The following SNTG2 variants were observed in gnomAD, a reference collection of about 807,000 sequenced individuals.
The protein encoded by SNTG2 is gamma-2-syntrophin.
In SNTG2, 74 loss-of-function variants were observed where a neutral mutation model predicts 70.9. The observed-to-expected ratio is 1.04, with a 90% CI of 0.86 to 1.27. The LOEUF (loss-of-function observed/expected upper bound fraction) is 1.27. Ranked by LOEUF, SNTG2 falls within the 50% of genes most tolerant of loss-of-function variation. The probability of loss-of-function intolerance (pLI) is 0.00; values close to 1 mark genes in which losing one functional copy is unlikely to be tolerated. For missense variants in SNTG2, 717 were observed against 690.7 expected (o/e 1.04, Z -0.43); for synonymous variants, 278 against 273.8 (o/e 1.02, Z -0.15).
Position 1,222,105 on chromosome 2 carries a change from GTCTCTCTCTGTCTC to G in SNTG2, c.719+12881_719+12894del, listed in dbSNP as rs1204695462. On this transcript the variant is annotated intron_variant, in intron 9 of 16. Transcript: ENST00000308624. ...TCTCTGTCTCTCTCTGTCTCTCTCT[GTCTCTCTCTGTCTC>G]TCTCTGTCTCTCTCTGTCTCTCTCT... Among the ~76,000 whole-genome samples the G allele has an allele frequency of 1.2e-3, 32 of 27,594 alleles. 1 individual carries two copies. Among genetic ancestry groups the G allele is most frequent in the Admixed American group, 1.3e-3 (4 of 3,000 alleles). The allele number at this position is 27,594 out of a possible 152,430, so 18.1% of individuals were successfully genotyped here.
At chr2:1,056,846 G>A (rs1220281109) in intron 1 of SNTG2, among the ~76,000 whole-genome samples, 3 of 74,912 alleles carry the variant, frequency 4.0e-5, no homozygotes, top group African/African-American at 1.8e-4. Flanking sequence ...GCCACGCTGT[G>A]GGGAGGGAGA....
At chr2:1,018,696 G>A (rs1029368535) in intron 1 of SNTG2, among the ~76,000 whole-genome samples, 1 of 152,082 alleles carries the variant, frequency 6.6e-6, no homozygotes, top group South Asian at 2.1e-4. Context: ...CAGCATGAAC[G>A]ATATGCAAAG....
chr2:1,215,181 T>C (rs115927542), intron 9 of SNTG2, among the ~76,000 whole-genome samples: 1,724 of 152,306 alleles, frequency 0.011, 31 homozygotes, highest in African/African-American at 0.04. Context: ...TCAAGGATAT[T>C]GGCCTGTAAT....
chr2:1,181,884 A>G (rs903569710), intron 8 of SNTG2, among the ~76,000 whole-genome samples: 5 of 152,158 alleles, frequency 3.3e-5, no homozygotes, highest in African/African-American at 9.7e-5. Flanking sequence ...TTGTCTCAAG[A>G]ATCCTTACTA....
intron 1 of SNTG2, among the ~76,000 whole-genome samples, chr2:975,648 A>C (rs1204871085): frequency 1.3e-5 from 1 of 74,766 alleles, no homozygotes; most frequent in Non-Finnish European, 3.2e-5. Flanking sequence ...AATGTTTGAC[A>C]AAAAATACCT....
At chr2:1,178,279 T>C (rs1671619392) in intron 8 of SNTG2, among the ~76,000 whole-genome samples, 1 of 152,186 alleles carries the variant, frequency 6.6e-6, no homozygotes, top group African/African-American at 2.4e-5. Context: ...CTTTTCCTAA[T>C]TGAATACCCT....
At chr2:1,200,674 A>C (rs934269771) in intron 8 of SNTG2, among the ~76,000 whole-genome samples, 1 of 152,026 alleles carries the variant, frequency 6.6e-6, no homozygotes, top group East Asian at 1.9e-4. Flanking sequence ...AGCAAAAACA[A>C]TAAGAAAAAC....
At chr2:1,205,982 A>G (rs1673608566) in intron 8 of SNTG2, among the ~76,000 whole-genome samples, 1 of 152,122 alleles carries the variant, frequency 6.6e-6, no homozygotes. Context: ...TTCCTCATCT[A>G]AAATTGGTTT....
chr2:1,295,708 A>G (rs1469541435), intron 14 of SNTG2, among the ~76,000 whole-genome samples: 11 of 122,510 alleles, frequency 9.0e-5, no homozygotes, highest in African/African-American at 2.2e-4. Flanking sequence ...AGTCTCCCGT[A>G]TTGGGGAGGG....
At chr2:1,127,039 A>G (rs905289835) in intron 4 of SNTG2, among the ~76,000 whole-genome samples, 1 of 151,922 alleles carries the variant, frequency 6.6e-6, no homozygotes, top group Non-Finnish European at 1.5e-5. Context: ...TTCTCAGACC[A>G]GTGTCCAGAA....
At chr2:1,277,943 G>A (rs1308878402) in intron 14 of SNTG2, among the ~76,000 whole-genome samples, 5 of 152,200 alleles carry the variant, frequency 3.3e-5, no homozygotes, top group Admixed American at 2.0e-4. Flanking sequence ...CTGGAAAGGC[G>A]GGGAAGATAA....
At chr2:1,266,596 A>G (rs1678747716) in intron 13 of SNTG2, among the ~76,000 whole-genome samples, 1 of 151,994 alleles carries the variant, frequency 6.6e-6, no homozygotes, top group Admixed American at 6.6e-5. Flanking sequence ...CCTTTATCTC[A>G]GGACAATGAA....
intron 9 of SNTG2, among the ~76,000 whole-genome samples, chr2:1,222,463 AGGTGCTGG>A (rs1675324454): frequency 2.2e-4 from 31 of 142,804 alleles, no homozygotes; most frequent in African/African-American, 7.8e-4. Context: ...CTTAAGCTGG[AGGTGCTGG>A]ATCGCTGTAG....
chr2:1,143,415 T>C (rs1250958070), intron 6 of SNTG2, among the ~76,000 whole-genome samples: 5 of 152,082 alleles, frequency 3.3e-5, no homozygotes, highest in Admixed American at 6.5e-5. Context: ...TAAGCAGCCC[T>C]CTGCCCTTAT....
chr2:1,240,228 G>A (rs1676958728), intron 11 of SNTG2, among the ~76,000 whole-genome samples: 1 of 152,160 alleles, frequency 6.6e-6, no homozygotes, highest in Non-Finnish European at 1.5e-5. Flanking sequence ...TTGCCAGTGG[G>A]TAGGATCCTG....
Position 1,324,190 on chromosome 2 carries a change from C to T in SNTG2, c.1488+7815C>T, listed in dbSNP as rs763059423. 5.3e-5 allele frequency among the ~76,000 whole-genome samples: 8 copies of T among 152,284 alleles called. No homozygotes were observed. In the East Asian group the frequency reaches 1.5e-3, roughly 29 times the overall value. ...GGCTAACAGTCACATGGCGGAGACT[C>T]CCCAGTATGGCTGAGTTGGGATGGT... is the stretch of plus-strand genomic sequence containing the variant. On this transcript the variant is annotated intron_variant, in intron 16 of 16. Coordinates refer to ENST00000308624, the MANE Select transcript of SNTG2 (RefSeq NM_018968.4).
intron 16 of SNTG2, among the ~76,000 whole-genome samples, chr2:1,326,933 T>C (rs1286224588): frequency 6.6e-6 from 1 of 152,070 alleles, no homozygotes; most frequent in Non-Finnish European, 1.5e-5. Flanking sequence ...GAATAACCTT[T>C]ACATTAGGCA....
chr2:1,259,533 T>C (rs974598326), intron 13 of SNTG2, 92 bp downstream of exon 13: 10 of 1,034,628 alleles, frequency 9.7e-6, no homozygotes, highest in East Asian at 7.2e-5. Context: ...GCGTGGTCCA[T>C]TGAAATAGTA....
intron 13 of SNTG2, among the ~76,000 whole-genome samples, chr2:1,264,305 T>C (rs1175567865): frequency 6.6e-6 from 1 of 152,208 alleles, no homozygotes; most frequent in African/African-American, 2.4e-5. Context: ...GAGCACATAG[T>C]GTGACATGGG....
Sources: allele counts gnomAD v4.1 joint callset (sites outside exome capture counted in the v4.1 genomes callset), GRCh38; gene constraint gnomAD v4.1.1; transcripts MANE v1.5; gene names NCBI Gene and HGNC (gene_info 2026-07-23, HGNC 2026-07-21).